The following SLC25A26 variants were observed in gnomAD, a reference collection of about 807,000 sequenced individuals.
SLC25A26 encodes solute carrier family 25 member 26.
Under a neutral mutation model 37.8 loss-of-function variants are expected in SLC25A26, and 36 were observed. The observed-to-expected ratio is 0.95, with a 90% CI of 0.73 to 1.26. The LOEUF is 1.26. SLC25A26 is among the 50% of genes most tolerant of loss of function. The pLI, the probability that SLC25A26 is intolerant of heterozygous loss-of-function variation, is 0.00. For synonymous variants in SLC25A26, 129 were observed against 122.5 expected, an observed-to-expected ratio of 1.05 and a Z score of -0.35; for missense variants, 390 against 331.1, an observed-to-expected ratio of 1.18 and a Z score of -1.38.
At chr3:66,360,348 A>C (rs531481493) in intron 6 of SLC25A26, among the ~76,000 whole-genome samples, 1 of 152,200 alleles carries the variant, frequency 6.6e-6, no homozygotes, top group South Asian at 2.1e-4. Flanking sequence ...TGTGGTCACT[A>C]TTGCAATGCA....
At chr3:66,334,135 A>G (rs1488728524) in intron 5 of SLC25A26, among the ~76,000 whole-genome samples, 1 of 152,148 alleles carries the variant, frequency 6.6e-6, no homozygotes, top group African/African-American at 2.4e-5. Flanking sequence ...TAGGAGTGAT[A>G]TATTATTCTC....
intron 5 of SLC25A26, among the ~76,000 whole-genome samples, chr3:66,266,704 C>T (rs1025240805): frequency 5.3e-5 from 8 of 150,882 alleles, no homozygotes; most frequent in African/African-American, 1.9e-4. Flanking sequence ...CAGCAGATTA[C>T]ACTACCTCAT....
intron 5 of SLC25A26, among the ~76,000 whole-genome samples, chr3:66,315,011 T>C (rs1267403488): frequency 6.6e-6 from 1 of 151,848 alleles, no homozygotes; most frequent in Non-Finnish European, 1.5e-5. Context: ...GATTCTTTTC[T>C]TCTTTATTAG....
At chr3:66,263,920 A>G (rs1208261398) in intron 5 of SLC25A26, among the ~76,000 whole-genome samples, 1 of 151,958 alleles carries the variant, frequency 6.6e-6, no homozygotes, top group Non-Finnish European at 1.5e-5. Flanking sequence ...GGCCTCCCAA[A>G]GTGCTGGGAT....
intron 2 of SLC25A26, among the ~76,000 whole-genome samples, chr3:66,240,858 G>A (rs2072546680): frequency 1.3e-5 from 2 of 149,732 alleles, no homozygotes; most frequent in South Asian, 4.2e-4. Flanking sequence ...CCATTCTCCT[G>A]CCTCAGCCTC....
chr3:66,140,328 T>C (rs935277637), intron 1 of SLC25A26, among the ~76,000 whole-genome samples: 4 of 152,208 alleles, frequency 2.6e-5, no homozygotes, highest in African/African-American at 9.6e-5. Flanking sequence ...GTGCTCATCC[T>C]GTGAGCCCTG....
intron 6 of SLC25A26, among the ~76,000 whole-genome samples, chr3:66,352,351 A>T (rs1198495832): frequency 6.6e-6 from 1 of 151,740 alleles, no homozygotes; most frequent in Non-Finnish European, 1.5e-5. Flanking sequence ...CCTCAGCCTT[A>T]TCCCGTGCCA....
chr3:66,167,867 A>G (rs1035380822), intron 1 of SLC25A26, among the ~76,000 whole-genome samples: 1 of 151,852 alleles, frequency 6.6e-6, no homozygotes, highest in South Asian at 2.1e-4. Context: ...ATATATAGCT[A>G]CTCTGGCTGG....
intron 1 of SLC25A26, among the ~76,000 whole-genome samples, chr3:66,194,480 C>G (rs1420875297): frequency 6.6e-6 from 1 of 152,180 alleles, no homozygotes; most frequent in African/African-American, 2.4e-5. Flanking sequence ...ACAGAGAGAA[C>G]GAATGGAATT....
intron 5 of SLC25A26, among the ~76,000 whole-genome samples, chr3:66,294,276 T>C (rs1227980804): frequency 6.6e-6 from 1 of 152,098 alleles, no homozygotes; most frequent in Non-Finnish European, 1.5e-5. Context: ...ATTTTGTTCT[T>C]TTTGTGGCAG....
chr3:66,149,545 G>T (rs919511960), intron 1 of SLC25A26, among the ~76,000 whole-genome samples: 1 of 152,230 alleles, frequency 6.6e-6, no homozygotes, highest in Non-Finnish European at 1.5e-5. Flanking sequence ...GGTAATAGCA[G>T]TTAGAGTTCA....
chr3:66,278,805 G>C (rs2074242155), intron 5 of SLC25A26, among the ~76,000 whole-genome samples: 1 of 152,162 alleles, frequency 6.6e-6, no homozygotes. Context: ...TTTCTGGAAA[G>C]ACTTCTCTCA....
intron 5 of SLC25A26, among the ~76,000 whole-genome samples, chr3:66,296,974 C>A (rs2107537482): frequency 6.6e-6 from 1 of 152,284 alleles, no homozygotes; most frequent in South Asian, 2.1e-4. Flanking sequence ...GACAAGAGTC[C>A]AGATTGTTGT....
At position 66,236,666 on chromosome 3, in the gene SLC25A26, C is replaced by A. The variant is rs1312131978; in HGVS notation, c.156C>A (p.Gly52=). ...KAGGFHGIYA[G]VPSAAIGSFP... Reference sequence around the variant, plus strand: ...GTGGTTTTCATGGAATATATGCTGGCGTTCCTTCTGCTGCTATTGGATCCT... The same window carrying A: ...GTGGTTTTCATGGAATATATGCTGGAGTTCCTTCTGCTGCTATTGGATCCT... Residue 52 remains glycine, a synonymous_variant, in exon 2 of 10, where the codon GGC becomes GGA. Coordinates refer to ENST00000354883, the MANE Select transcript of SLC25A26 (RefSeq NM_001379210.1). The A allele has an allele frequency of 2.6e-6, 4 of 1,524,524 alleles. No homozygotes were observed. Among genetic ancestry groups the A allele is most frequent in the African/African-American group, 2.7e-5 (2 of 72,754 alleles). 94.4% of individuals were successfully genotyped at this position (1,524,524 alleles called of 1,614,324 possible).
chr3:66,160,465 C>T (rs1251011581), intron 1 of SLC25A26, among the ~76,000 whole-genome samples: 1 of 152,148 alleles, frequency 6.6e-6, no homozygotes, highest in African/African-American at 2.4e-5. Flanking sequence ...AAGTTCTGCT[C>T]AAGGAAAGCA....
intron 5 of SLC25A26, among the ~76,000 whole-genome samples, chr3:66,315,558 A>G (rs2075514422): frequency 6.6e-6 from 1 of 152,070 alleles, no homozygotes; most frequent in Non-Finnish European, 1.5e-5. Flanking sequence ...TCAGTTTTAG[A>G]GTGCCATGTG....
chr3:66,289,482 C>T (rs1287498904), intron 5 of SLC25A26, among the ~76,000 whole-genome samples: 1 of 152,124 alleles, frequency 6.6e-6, no homozygotes, highest in Non-Finnish European at 1.5e-5. Context: ...TTTAACCCAT[C>T]TTGAGTTAAT....
intron 1 of SLC25A26, among the ~76,000 whole-genome samples, chr3:66,154,540 C>CTT (rs60639995): frequency 5.5e-4 from 72 of 130,388 alleles, no homozygotes; most frequent in Non-Finnish European, 8.2e-4. Flanking sequence ...TTCTTTTTTT[C>CTT]TTTTTTTTTT....
intron 5 of SLC25A26, among the ~76,000 whole-genome samples, chr3:66,281,232 G>A (rs1290124074): frequency 6.6e-6 from 1 of 152,114 alleles, no homozygotes; most frequent in African/African-American, 2.4e-5. Context: ...AGTTATACCA[G>A]GAGGCACAAA....
Sources: allele counts gnomAD v4.1 joint callset (sites outside exome capture counted in the v4.1 genomes callset), GRCh38; gene constraint gnomAD v4.1.1; transcripts MANE v1.5; gene names NCBI Gene and HGNC (gene_info 2026-07-23, HGNC 2026-07-21).